Variants in RBFOX3 observed in about 807,000 individuals in gnomAD.
RBFOX3 encodes the protein RNA binding fox-1 homolog 3, also known as RNA binding protein fox-1 homolog 3.
A neutral mutation model predicts 48.7 loss-of-function variants in RBFOX3; 17 were observed. The observed-to-expected ratio is 0.35, with a 90% CI of 0.24 to 0.52. The LOEUF is 0.52. Among genes scored for constraint, RBFOX3 ranks in the 20% least tolerant of loss-of-function variants. RBFOX3 has a pLI of 0.94. For synonymous variants in RBFOX3, 212 were observed against 209.5 expected, an observed-to-expected ratio of 1.01 and a Z score of -0.10; for missense variants, 382 against 497.5, an observed-to-expected ratio of 0.77 and a Z score of 2.21.
intron 4 of RBFOX3, among the ~76,000 whole-genome samples, chr17:79,182,002 A>ACACACAC (rs2052090669): frequency 8.8e-6 from 1 of 113,230 alleles, no homozygotes; most frequent in Non-Finnish European, 2.0e-5. Context: ...CACACACACA[A>ACACACAC]ACACACAATC....
At chr17:79,283,099 C>T (rs1036189724) in intron 3 of RBFOX3, among the ~76,000 whole-genome samples, 4 of 151,528 alleles carry the variant, frequency 2.6e-5, no homozygotes, top group Non-Finnish European at 4.4e-5. Flanking sequence ...AAGGCGGGGG[C>T]GGGAAGAAAA....
rs2073733818 is a variant in RBFOX3, at chr17:79,090,825, TTTTTTTTG to T, written c.*50_*57del. On this transcript the variant is annotated 3_prime_UTR_variant, in exon 15 of 15. Transcript: ENST00000693108. ...TTTTTTTGTTTTTTTTGTTTTGTGA[TTTTTTTTG>T]TTTTTTTGTTTTTGCCCTTCATGGT... 4.1e-6 allele frequency: 6 copies of T among 1,479,150 alleles called. No homozygotes were observed. The highest frequency in any genetic ancestry group is 2.5e-5 in the East Asian group (1 of 40,444). 91.6% of individuals were successfully genotyped at this position (1,479,150 alleles called of 1,614,324 possible).
intron 2 of RBFOX3, among the ~76,000 whole-genome samples, chr17:79,351,145 TG>T (rs1033014280): frequency 1.3e-5 from 2 of 152,244 alleles, no homozygotes; most frequent in Non-Finnish European, 2.9e-5. Flanking sequence ...CCACATTTTG[TG>T]TATCTGTTCA....
chr17:79,339,585 T>C (rs1425408498), intron 2 of RBFOX3, among the ~76,000 whole-genome samples: 4 of 152,174 alleles, frequency 2.6e-5, no homozygotes. Context: ...GAGTTTCTGA[T>C]TCAGTATGTG....
At chr17:79,658,778 C>T in the RBFOX3 span, among the ~76,000 whole-genome samples, 4 of 152,138 alleles carry the variant, frequency 2.6e-5, no homozygotes, top group African/African-American at 7.2e-5. Context: ...GTGCCAGGCA[C>T]GTGCTCATTC....
At chr17:79,246,785 G>T (rs1026876452) in intron 3 of RBFOX3, among the ~76,000 whole-genome samples, 4 of 152,154 alleles carry the variant, frequency 2.6e-5, no homozygotes, top group African/African-American at 9.7e-5. Flanking sequence ...CCGAGGACGC[G>T]GCCTCCCAGC....
In RBFOX3 at chr17:79,390,075, T is replaced by C. The variant is rs866159743; in HGVS notation, c.-174-82251A>G. ...CCGCAGCCGCCGGGTCTCCGCAGCC[T>C]CCGGGTCTCCGCAGCCTCCGGGTCT... On this transcript the variant is annotated intron_variant, in intron 2 of 14. Transcript: ENST00000693108. This position sits in a 1 kb window ranked among gnomAD's most constrained non-coding sequence, Gnocchi z 4.2. Among the ~76,000 whole-genome samples, 4 of 150,038 alleles carry C rather than the reference T, an allele frequency of 2.7e-5. No homozygotes were observed. The highest frequency in any genetic ancestry group is 9.9e-5 in the African/African-American group (4 of 40,284).
intron 1 of RBFOX3, among the ~76,000 whole-genome samples, chr17:79,609,949 G>C (rs2093932623): frequency 6.6e-6 from 1 of 151,954 alleles, no homozygotes; most frequent in Non-Finnish European, 1.5e-5. Context: ...AGAAAGTTTG[G>C]GCCAGGGGCG....
intron 4 of RBFOX3, among the ~76,000 whole-genome samples, chr17:79,176,071 A>G (rs2050470430): frequency 6.6e-6 from 1 of 152,182 alleles, no homozygotes; most frequent in South Asian, 2.1e-4. Flanking sequence ...CTCTAAACTC[A>G]GGGCCTACTG....
In RBFOX3 at chr17:79,492,882, C is replaced by T. The variant is rs902066828; in HGVS notation, c.-319-10284G>A. ...GAGGCAGTGGTGGGAGAGAAAGGCCCGTGAGGAGGGAGGAGGAAGAGCCCT... is the reference window on the plus strand; with the variant it reads ...GAGGCAGTGGTGGGAGAGAAAGGCCTGTGAGGAGGGAGGAGGAAGAGCCCT... On this transcript the variant is annotated intron_variant, in intron 1 of 14. Coordinates refer to ENST00000693108, the MANE Select transcript of RBFOX3 (RefSeq NM_001350451.2). Among the ~76,000 whole-genome samples the T allele has an allele frequency of 6.4e-4, 97 of 152,114 alleles. 3 individuals are homozygous for T. In the East Asian group the frequency reaches 0.019, roughly 29 times the overall value.
chr17:79,626,976 C>T, the RBFOX3 span, among the ~76,000 whole-genome samples: 2 of 152,214 alleles, frequency 1.3e-5, no homozygotes, highest in Non-Finnish European at 2.9e-5. Context: ...CTCAATTCAG[C>T]CTCGAGCCTC....
At chr17:79,294,228 G>C (rs992251523) in intron 3 of RBFOX3, among the ~76,000 whole-genome samples, 3 of 152,232 alleles carry the variant, frequency 2.0e-5, no homozygotes, top group Non-Finnish European at 2.9e-5. Flanking sequence ...CTGGACTGGA[G>C]AGCAAGTTCG....
At chr17:79,448,951 G>T (rs12150237) in intron 2 of RBFOX3, among the ~76,000 whole-genome samples, 1 of 151,750 alleles carries the variant, frequency 6.6e-6, no homozygotes, top group African/African-American at 2.4e-5. Flanking sequence ...CAGAGTTGAC[G>T]TCCTGGGCAC....
At chr17:79,609,439 GA>G (rs1471879876) in intron 1 of RBFOX3, among the ~76,000 whole-genome samples, 6 of 152,188 alleles carry the variant, frequency 3.9e-5, no homozygotes, top group Non-Finnish European at 7.3e-5. Flanking sequence ...CCCAGGGATG[GA>G]TCCCTTGGGT....
intron 4 of RBFOX3, among the ~76,000 whole-genome samples, chr17:79,218,644 G>A (rs760646671): frequency 2.0e-5 from 3 of 152,174 alleles, no homozygotes; most frequent in Admixed American, 6.5e-5. Flanking sequence ...GCTCACACAC[G>A]CCAGGTCAGG....
chr17:79,218,245 G>A (rs1412046069), intron 4 of RBFOX3, among the ~76,000 whole-genome samples: 1 of 152,010 alleles, frequency 6.6e-6, no homozygotes, highest in East Asian at 1.9e-4. Flanking sequence ...TTGGGGGGTG[G>A]CAGCGTTTGG....
intron 2 of RBFOX3, among the ~76,000 whole-genome samples, chr17:79,472,436 AC>A (rs1201389542): frequency 6.6e-6 from 1 of 152,174 alleles, no homozygotes; most frequent in Non-Finnish European, 1.5e-5. Flanking sequence ...TAGGACCCTT[AC>A]CAGGCCATAT....
rs191654606 is a variant in RBFOX3, at chr17:79,291,149, T to C, written c.-74+16575A>G. Among the ~76,000 whole-genome samples the C allele has an allele frequency of 9.4e-3, 1,426 of 152,322 alleles. 9 individuals are homozygous for C. The highest frequency in any genetic ancestry group is 0.014 in the Non-Finnish European group (942 of 68,022). On this transcript the variant is annotated intron_variant, in intron 3 of 14. Coordinates refer to ENST00000693108, the MANE Select transcript of RBFOX3 (RefSeq NM_001350451.2). ...AGAAAGTTATTTAGTGGGTCAAAAATGAGTCAAAGTTTATAGAGAAGAAAT... is the reference window on the plus strand; with the variant it reads ...AGAAAGTTATTTAGTGGGTCAAAAACGAGTCAAAGTTTATAGAGAAGAAAT...
intron 2 of RBFOX3, among the ~76,000 whole-genome samples, chr17:79,341,728 C>T (rs34939985): frequency 0.13 from 19,989 of 152,108 alleles, 1,845 homozygotes; most frequent in Non-Finnish European, 0.2. Context: ...TGCTCCCTTT[C>T]TGAGTTCTGA....
Sources: gnomAD v4.1 joint callset for allele counts (sites outside exome capture counted in the v4.1 genomes callset) on GRCh38, gnomAD v4.1.1 for gene constraint, Gnocchi (gnomAD v3.1) non-coding constraint, MANE v1.5 for transcripts, NCBI Gene and HGNC (gene_info 2026-07-23, HGNC 2026-07-21) for gene names.